The following NKD1 variants were observed in gnomAD, a reference collection of about 807,000 sequenced individuals.
The protein encoded by NKD1 is NKD inhibitor of Wnt signaling pathway 1, also known as protein naked cuticle homolog 1.
In NKD1, 21 loss-of-function variants were observed where a neutral mutation model predicts 56.0. That is an observed-to-expected ratio of 0.38 (90% CI 0.27 to 0.54). The LOEUF (loss-of-function observed/expected upper bound fraction) is 0.54, where lower values mean the gene tolerates loss of function less well. Among genes scored for constraint, NKD1 ranks in the 20% least tolerant of loss-of-function variants. The pLI, the probability that NKD1 is intolerant of heterozygous loss-of-function variation, is 0.82. For synonymous variants in NKD1, 263 were observed against 265.7 expected (o/e 0.99, Z 0.10); for missense variants, 578 against 642.7 (o/e 0.90, Z 1.09).
At chr16:50,590,692 G>A (rs888377213) in intron 3 of NKD1, among the ~76,000 whole-genome samples, 2 of 152,234 alleles carry the variant, frequency 1.3e-5, no homozygotes, top group African/African-American at 4.8e-5. Flanking sequence ...CAACCTGTAG[G>A]TGACAGAGCC....
At chr16:50,607,399 T>C (rs375767358) in intron 3 of NKD1, 2 of 162,930 alleles carry the variant, frequency 1.2e-5, no homozygotes, top group Admixed American at 5.9e-5. Context: ...TTTTGTTTTT[T>C]TTCTCTTTTA....
Position 50,639,621 on chromosome 16 carries a change from G to C in NKD1, c.*5840G>C, listed in dbSNP as rs1962540650. 1.3e-5 allele frequency: 2 copies of C among 152,254 alleles called. No homozygotes were observed. The allele number at this position is 152,254 out of a possible 1,614,324, so 9.4% of individuals were successfully genotyped here. A position where few individuals can be genotyped will look rare whatever the true frequency, so the allele number is the denominator to read the frequency against. ...CCATGCTGCAGCAGAGGATGAGGCT[G>C]GCGGATTTAGTAAGAGCCCTCTGTG... On this transcript the variant is annotated 3_prime_UTR_variant, in exon 10 of 10. Transcript: ENST00000268459.
At chr16:50,616,134 G>T (rs769227993) in intron 4 of NKD1, 1 of 452,722 alleles carries the variant, frequency 2.2e-6, no homozygotes, top group Admixed American at 2.4e-5. Flanking sequence ...GTACGTGGAC[G>T]ATTGAGAAAG....
intron 3 of NKD1, chr16:50,566,043 C>G (rs111538748): frequency 9.3e-6 from 4 of 429,468 alleles, no homozygotes; most frequent in African/African-American, 4.3e-5. Flanking sequence ...AGGTGTGGCT[C>G]TGCTATTTTT....
At chr16:50,556,934 G>A (rs1960517147) in intron 3 of NKD1, 1 of 151,972 alleles carries the variant, frequency 6.6e-6, no homozygotes, top group African/African-American at 2.4e-5. Flanking sequence ...TTGTTCTACA[G>A]GTAAATTGTG....
chr16:50,605,956 C>T (rs888408645), intron 3 of NKD1: 8 of 152,180 alleles, frequency 5.3e-5, no homozygotes, highest in African/African-American at 1.9e-4. Flanking sequence ...CTGTGTTTGG[C>T]TCAACATCCC....
intron 5 of NKD1, among the ~76,000 whole-genome samples, chr16:50,622,931 G>A (rs551560174): frequency 4.7e-4 from 72 of 152,218 alleles, no homozygotes; most frequent in African/African-American, 1.6e-3. Flanking sequence ...GTGGGGTAAC[G>A]GACACTTGGC....
At chr16:50,626,610 A>ATCCAGCAG (rs906911924) in intron 6 of NKD1, among the ~76,000 whole-genome samples, 6 of 152,078 alleles carry the variant, frequency 3.9e-5, no homozygotes, top group African/African-American at 1.4e-4. Context: ...GTGGCTGGGG[A>ATCCAGCAG]TCCAGCAGGG....
intron 3 of NKD1, among the ~76,000 whole-genome samples, chr16:50,550,801 C>T (rs73587976): frequency 0.095 from 14,516 of 152,144 alleles, 867 homozygotes; most frequent in African/African-American, 0.17. Context: ...CCAACGAAAA[C>T]GGTCTAATTT....
chr16:50,606,925 A>C, intron 3 of NKD1: 1 of 456,730 alleles, frequency 2.2e-6, no homozygotes, highest in Non-Finnish European at 4.4e-6. Context: ...ACCTGTGTGC[A>C]TCCCTTTCCT....
intron 3 of NKD1, among the ~76,000 whole-genome samples, chr16:50,562,656 G>C (rs1259589807): frequency 1.3e-5 from 2 of 152,132 alleles, no homozygotes; most frequent in African/African-American, 4.8e-5. Context: ...ACTCCTTGGG[G>C]TTTCCTGAGC....
chr16:50,574,838 C>T (rs1330893323), intron 3 of NKD1: 2 of 985,288 alleles, frequency 2.0e-6, no homozygotes, highest in Non-Finnish European at 2.4e-6. Flanking sequence ...ATACATGAAA[C>T]CAAGCTGTTT....
At chr16:50,627,349 T>C (rs1962244979) in intron 6 of NKD1, among the ~76,000 whole-genome samples, 1 of 152,206 alleles carries the variant, frequency 6.6e-6, no homozygotes, top group Non-Finnish European at 1.5e-5. Flanking sequence ...GCAAGATGAT[T>C]GCTGACAGTT....
chr16:50,583,452 G>A (rs1961162616), intron 3 of NKD1, among the ~76,000 whole-genome samples: 1 of 152,082 alleles, frequency 6.6e-6, no homozygotes, highest in Non-Finnish European at 1.5e-5. Context: ...TGAGCCATTT[G>A]GGGTATTCCA....
intron 4 of NKD1, among the ~76,000 whole-genome samples, chr16:50,609,832 C>T (rs961261524): frequency 3.9e-5 from 6 of 152,126 alleles, no homozygotes; most frequent in African/African-American, 1.4e-4. Flanking sequence ...GGGGAGGAGT[C>T]CCATGAACAG....
At chr16:50,629,505 T>A (rs1384480776) in intron 6 of NKD1, among the ~76,000 whole-genome samples, 1 of 152,166 alleles carries the variant, frequency 6.6e-6, no homozygotes, top group African/African-American at 2.4e-5. Flanking sequence ...TGGGTCCACC[T>A]CAAAGTTCAC....
chr16:50,585,509 G>A (rs1209312665), intron 3 of NKD1, among the ~76,000 whole-genome samples: 1 of 152,254 alleles, frequency 6.6e-6, no homozygotes, highest in African/African-American at 2.4e-5. Context: ...GGCCCGATGG[G>A]GGACGTGGGG....
At chr16:50,549,706 AC>A (rs1960334470) in intron 3 of NKD1, 151 bp downstream of exon 3, 1 of 814,378 alleles carries the variant, frequency 1.2e-6, no homozygotes, top group African/African-American at 1.8e-5. Flanking sequence ...CACCAACGCG[AC>A]CCTCTGCCCG....
At chr16:50,553,106 C>T (rs1960426764) in intron 3 of NKD1, among the ~76,000 whole-genome samples, 1 of 152,212 alleles carries the variant, frequency 6.6e-6, no homozygotes, top group Non-Finnish European at 1.5e-5. Flanking sequence ...ATGCTGGAAA[C>T]ATGAAGCAGC....
Sources: allele counts gnomAD v4.1 joint callset (sites outside exome capture counted in the v4.1 genomes callset), GRCh38; gene constraint gnomAD v4.1.1; transcripts MANE v1.5; gene names NCBI Gene and HGNC (gene_info 2026-07-23, HGNC 2026-07-21).